The following SLC22A14 variants were observed in gnomAD, a reference collection of about 807,000 sequenced individuals.
SLC22A14 encodes the protein organic cation transporter-like 4.
A neutral mutation model predicts 53.9 loss-of-function variants in SLC22A14; 50 were observed. The observed-to-expected ratio is 0.93, with a 90% CI of 0.74 to 1.17. The LOEUF (loss-of-function observed/expected upper bound fraction) is 1.17. SLC22A14 is among the 50% of genes most tolerant of loss of function. SLC22A14 has a pLI of 0.00. For synonymous variants in SLC22A14, 312 were observed against 303.0 expected (o/e 1.03, Z -0.31); for missense variants, 671 against 734.7 (o/e 0.91, Z 1.00).
upstream of SLC22A14, among the ~76,000 whole-genome samples, chr3:38,280,325 C>T (rs1703640912): frequency 6.6e-6 from 1 of 152,186 alleles, no homozygotes; most frequent in African/African-American, 2.4e-5. Context: ...TTTCTTTTCT[C>T]AAAAACCCGG....
rs1206161028 is a variant in SLC22A14, at chr3:38,313,655, CCT to C, written c.1164-69_1164-68del. ...TCCTACCCTGACCCTTGCTGCTCTGCCTCTGTCTTTATTCCTGGCTCCGTGTG... is the reference window on the plus strand; with the variant it reads ...TCCTACCCTGACCCTTGCTGCTCTGCCTGTCTTTATTCCTGGCTCCGTGTG... On this transcript the variant is annotated intron_variant, in intron 7 of 10. Transcript: ENST00000448498. 1.9e-4 allele frequency: 183 copies of C among 974,172 alleles called. 1 individual carries two copies. Among genetic ancestry groups the C allele is most frequent in the Non-Finnish European group, 2.8e-4 (175 of 635,072 alleles). 60.3% of individuals were successfully genotyped at this position (974,172 alleles called of 1,614,324 possible).
Position 38,311,491 on chromosome 3 carries a change from G to A in SLC22A14, c.945-1508G>A, listed in dbSNP as rs147830811. Among the ~76,000 whole-genome samples the A allele has an allele frequency of 5.2e-3, 797 of 152,324 alleles. 6 individuals carry two copies. Among genetic ancestry groups the A allele is most frequent in the African/African-American group, 0.018 (739 of 41,574 alleles). ...TGAATAAACAGCATGGCCAACATGA[G>A]CATTTGACAAATCTTTAAGTTCTGC... On this transcript the variant is annotated intron_variant, in intron 5 of 10. Coordinates refer to ENST00000448498, the MANE Select transcript of SLC22A14 (RefSeq NM_001320033.2).
chr3:38,282,422 C>T (rs1703690238), intron 1 of SLC22A14, 83 bp downstream of exon 1: 1 of 152,350 alleles, frequency 6.6e-6, no homozygotes, highest in East Asian at 1.9e-4. Flanking sequence ...ATGATGACCC[C>T]TGGCAATTTT....
chr3:38,313,683 T>TGTGCGCGC (rs1553644860), intron 7 of SLC22A14, 44 bp from the exon 8 acceptor site: 22 of 737,020 alleles, frequency 3.0e-5, no homozygotes, highest in Non-Finnish European at 4.2e-5. Flanking sequence ...GCTCCGTGTG[T>TGTGCGCGC]GTGCGCGCGT....
At chr3:38,289,816 T>G (rs1703873310) in intron 1 of SLC22A14, among the ~76,000 whole-genome samples, 1 of 152,160 alleles carries the variant, frequency 6.6e-6, no homozygotes, top group Non-Finnish European at 1.5e-5. Flanking sequence ...AAGCGAAAAC[T>G]TAGCTTGAGC....
chr3:38,304,178 G>A (rs1376261204), intron 1 of SLC22A14, among the ~76,000 whole-genome samples: 4 of 148,034 alleles, frequency 2.7e-5, no homozygotes, highest in South Asian at 2.2e-4. Flanking sequence ...ATGACAGAGC[G>A]AGACTCTGTC....
intron 5 of SLC22A14, among the ~76,000 whole-genome samples, chr3:38,310,627 T>G (rs1575421441): frequency 6.6e-6 from 1 of 152,126 alleles, no homozygotes; most frequent in East Asian, 1.9e-4. Context: ...GGGTAGATAT[T>G]CAAATACCAT....
At chr3:38,301,594 T>C (rs1559548219) in intron 1 of SLC22A14, among the ~76,000 whole-genome samples, 1 of 152,194 alleles carries the variant, frequency 6.6e-6, no homozygotes, top group Non-Finnish European at 1.5e-5. Context: ...TCTTTGGGGT[T>C]TTCTTTTCTT....
Position 38,307,472 on chromosome 3 carries a change from C to G in SLC22A14, c.621-94C>G. On this transcript the variant is annotated intron_variant, in intron 3 of 10. Coordinates refer to ENST00000448498, the MANE Select transcript of SLC22A14 (RefSeq NM_001320033.2). The surrounding 1 kb of genome is among the most constrained non-coding windows in gnomAD (Gnocchi z 4.4). ...GTGAGGGTAGGGGTTCTCCAGGGAC[C>G]CATGGATGGCTCAGGGCCTGGCCCA... The G allele has an allele frequency of 6.4e-7, 1 of 1,565,532 alleles. No individual in the cohort carries two copies. The highest frequency in any genetic ancestry group is 8.8e-7 in the Non-Finnish European group (1 of 1,139,516).
chr3:38,310,594 A>G (rs1337825675), intron 5 of SLC22A14, among the ~76,000 whole-genome samples: 2 of 152,138 alleles, frequency 1.3e-5, no homozygotes, highest in Non-Finnish European at 2.9e-5. Flanking sequence ...AGGGGCTATT[A>G]TAGTCTCTCA....
At position 38,316,537 on chromosome 3, in the gene SLC22A14, G is replaced by A. The variant is rs369675919; in HGVS notation, c.1733+13G>A. 22 of 1,612,224 alleles carry A rather than the reference G, an allele frequency of 1.4e-5. No individual in the cohort carries two copies. The highest frequency in any genetic ancestry group is 1.8e-5 in the Non-Finnish European group (21 of 1,178,636). ...CCTCACAGATAAGGTAGGTGTGGGA[G>A]CCTCCTGGGCTGTGCCAGCACGGGG... is the stretch of plus-strand genomic sequence containing the variant. On this transcript the variant is annotated intron_variant, in intron 10 of 10. Transcript: ENST00000448498.
At position 38,307,648 on chromosome 3, in the gene SLC22A14, C is replaced by T; in HGVS notation, c.703C>T (p.His235Tyr). Residue 235 changes from histidine (H) to tyrosine (Y), a missense_variant, in exon 4 of 11, where the codon CAC (histidine) becomes TAC (tyrosine). Coordinates refer to ENST00000448498, the MANE Select transcript of SLC22A14 (RefSeq NM_001320033.2). The surrounding 1 kb of genome is among the most constrained non-coding windows in gnomAD (Gnocchi z 4.4). ...TGGGACAGCCTTCATGAACAGCTTTCACCTGTATTTGTTCTTTCGCTTTGG... is the reference window on the plus strand; with the variant it reads ...TGGGACAGCCTTCATGAACAGCTTTTACCTGTATTTGTTCTTTCGCTTTGG... ...GFGTAFMNSF[H>Y]LYLFFRFGIS... 6.2e-7 allele frequency: 1 copy of T among 1,614,046 alleles called. No individual in the cohort carries two copies. The highest frequency in any genetic ancestry group is 8.5e-7 in the Non-Finnish European group (1 of 1,179,912).
At chr3:38,309,199 A>C in intron 5 of SLC22A14, 77 bp downstream of exon 5, 1 of 1,294,002 alleles carries the variant, frequency 7.7e-7, no homozygotes, top group Non-Finnish European at 1.1e-6. Flanking sequence ...GGGTCCTTGA[A>C]GCTGTGGGAA....
Position 38,295,243 on chromosome 3 carries a change from G to T in SLC22A14, c.1-10784G>T, listed in dbSNP as rs565021176. ...CTGCTGGGTTAAGGGAATTATCAGT[G>T]GTTGGTGTTAAATTACCTTTTTCTA... On this transcript the variant is annotated intron_variant, in intron 1 of 10. Coordinates refer to ENST00000448498, the MANE Select transcript of SLC22A14 (RefSeq NM_001320033.2). Among the ~76,000 whole-genome samples, 9 of 152,358 alleles carry T rather than the reference G, an allele frequency of 5.9e-5. No homozygotes were observed. The East Asian group carries it at 1.5e-3, about 26-fold the overall frequency.
intron 1 of SLC22A14, among the ~76,000 whole-genome samples, chr3:38,292,413 T>C (rs1703932096): frequency 1.3e-5 from 2 of 151,926 alleles, no homozygotes; most frequent in South Asian, 2.1e-4. Context: ...GAAAGCAGAG[T>C]ATAAAGGTTA....
In SLC22A14 at chr3:38,307,043, G is replaced by T. The variant is rs1704324555; in HGVS notation, c.517-211G>T. Among the ~76,000 whole-genome samples, 1 of 152,148 alleles carries T rather than the reference G, an allele frequency of 6.6e-6. No individual in the cohort carries two copies. The highest frequency in any genetic ancestry group is 6.5e-5 in the Admixed American group (1 of 15,268). ...ACACACATCTTGGCCTATGCCTCTG[G>T]TCACTCTCTCCAGGCCCAGCTCTCA... On this transcript the variant is annotated intron_variant, in intron 2 of 10. Coordinates refer to ENST00000448498, the MANE Select transcript of SLC22A14 (RefSeq NM_001320033.2). The surrounding 1 kb of genome is among the most constrained non-coding windows in gnomAD (Gnocchi z 4.4).
chr3:38,316,736 C>T (rs1194755988), intron 10 of SLC22A14, among the ~76,000 whole-genome samples: 1 of 152,264 alleles, frequency 6.6e-6, no homozygotes, highest in Admixed American at 6.5e-5. Flanking sequence ...CCTGCTGCCC[C>T]TCCTGACCCG....
At chr3:38,286,309 G>A (rs1253587202) in intron 1 of SLC22A14, among the ~76,000 whole-genome samples, 1 of 152,114 alleles carries the variant, frequency 6.6e-6, no homozygotes, top group African/African-American at 2.4e-5. Context: ...GTCTTGATTT[G>A]CATTTCCCTC....
In SLC22A14 at chr3:38,296,810, G is replaced by A. The variant is rs62242685; in HGVS notation, c.1-9217G>A. 4.1e-3 allele frequency among the ~76,000 whole-genome samples: 629 copies of A among 152,314 alleles called. 1 individual carries two copies. The highest frequency in any genetic ancestry group is 7.2e-3 in the Non-Finnish European group (492 of 68,034). On this transcript the variant is annotated intron_variant, in intron 1 of 10. Coordinates refer to ENST00000448498, the MANE Select transcript of SLC22A14 (RefSeq NM_001320033.2). ...TGAACCCGGGCACTTAGCTGTGCAG[G>A]AACAATGGCAAGCCTTTAGCCTAAT...
Sources: allele counts gnomAD v4.1 joint callset (sites outside exome capture counted in the v4.1 genomes callset), GRCh38; gene constraint gnomAD v4.1.1; non-coding constraint Gnocchi (gnomAD v3.1); transcripts MANE v1.5; gene names NCBI Gene and HGNC (gene_info 2026-07-23, HGNC 2026-07-21).